C4orf50: variants seen among roughly 807,000 people sequenced by gnomAD.
C4orf50 encodes uncharacterized protein C4orf50.
A neutral mutation model predicts 77.2 loss-of-function variants in C4orf50; 80 were observed. The ratio of observed to expected loss-of-function variants is 1.04; its 90% CI spans 0.87 to 1.25. C4orf50 has a LOEUF of 1.25. C4orf50 is among the 50% of genes most tolerant of loss of function. The probability of loss-of-function intolerance (pLI) is 0.00; values close to 1 mark genes in which losing one functional copy is unlikely to be tolerated. For missense variants in C4orf50, 1,257 were observed against 1,152.9 expected (o/e 1.09, Z -1.31); for synonymous variants, 532 against 465.3 (o/e 1.14, Z -1.84).
At chr4:5,910,114 T>C (rs116390667) in intron 7 of C4orf50, among the ~76,000 whole-genome samples, 2,997 of 152,092 alleles carry the variant, frequency 0.02, 53 homozygotes, top group South Asian at 0.047. Flanking sequence ...ATTTTAGCAA[T>C]ATTAATGGAG....
In C4orf50 at chr4:5,952,087, A is replaced by G. The variant is rs1475130418; in HGVS notation, c.*2474+4814T>C. 1.1e-4 allele frequency among the ~76,000 whole-genome samples: 16 copies of G among 152,242 alleles called. No homozygotes were observed. The highest frequency in any genetic ancestry group is 8.5e-4 in the Admixed American group (13 of 15,284). The stretch of plus-strand genomic sequence containing the variant: ...ATCAACTAGTTCATGGAGTCATTCA[A>G]CAAGCATGTATTAAGCCCTGGGAGG... On this transcript the variant is annotated intron_variant, in intron 7 of 7. Transcript: ENST00000324058. The surrounding 1 kb of genome is among the most constrained non-coding windows in gnomAD (Gnocchi z 4.4).
At chr4:5,975,379 G>A (rs888887541) in intron 30 of C4orf50, among the ~76,000 whole-genome samples, 8 of 152,086 alleles carry the variant, frequency 5.3e-5, no homozygotes, top group African/African-American at 1.7e-4. Flanking sequence ...GGAGGCAAAC[G>A]TATACGCATC....
intron 23 of C4orf50, among the ~76,000 whole-genome samples, chr4:6,013,260 A>G (rs954994019): frequency 6.6e-6 from 1 of 152,168 alleles, no homozygotes; most frequent in African/African-American, 2.4e-5. Context: ...TGAGGATCAT[A>G]ACCAAGATCC....
intron 30 of C4orf50, 40 bp from the exon 9 acceptor site, chr4:5,973,881 G>C (rs1293081785): frequency 6.6e-7 from 1 of 1,518,014 alleles, no homozygotes; most frequent in African/African-American, 1.4e-5. Flanking sequence ...GCTCCCACCA[G>C]GGCTGCATGG....
At chr4:5,987,012 T>C (rs998604502) in intron 28 of C4orf50, among the ~76,000 whole-genome samples, 2 of 152,202 alleles carry the variant, frequency 1.3e-5, no homozygotes, top group African/African-American at 4.8e-5. Flanking sequence ...ATAGCTTTAA[T>C]TGCATAGATT....
At chr4:5,937,582 T>A (rs970744223) in intron 7 of C4orf50, among the ~76,000 whole-genome samples, 1 of 152,218 alleles carries the variant, frequency 6.6e-6, no homozygotes, top group Non-Finnish European at 1.5e-5. Context: ...GATATACATA[T>A]ATCAGTTATC....
chr4:6,011,194 G>T lies in C4orf50; in HGVS notation c.426+636C>A. Among the ~76,000 whole-genome samples, 1 of 152,176 alleles carries T rather than the reference G, an allele frequency of 6.6e-6. No individual in the cohort carries two copies. The highest frequency in any genetic ancestry group is 1.9e-4 in the East Asian group (1 of 5,188). On this transcript the variant is annotated intron_variant, in intron 24 of 33. Transcript: ENST00000531445. The surrounding 1 kb of genome is among the most constrained non-coding windows in gnomAD (Gnocchi z 4.2). ...CTGACCCTGAGGCTTCCCTACTTAA[G>T]TCCCCTAAAGCTTGTTCCCCATTGT...
intron 7 of C4orf50, among the ~76,000 whole-genome samples, chr4:5,907,246 C>A (rs1716590527): frequency 6.6e-6 from 1 of 152,204 alleles, no homozygotes; most frequent in Non-Finnish European, 1.5e-5. Flanking sequence ...ATACTGCATT[C>A]ACCAATAAGT....
At position 5,919,845 on chromosome 4, in the gene C4orf50, C is replaced by T. The variant is rs898952983; in HGVS notation, c.*2475-21657G>A. Among the ~76,000 whole-genome samples, 1 of 152,182 alleles carries T rather than the reference C, an allele frequency of 6.6e-6. No individual in the cohort carries two copies. Among genetic ancestry groups the T allele is most frequent in the Non-Finnish European group, 1.5e-5 (1 of 68,032 alleles). On this transcript the variant is annotated intron_variant, in intron 7 of 7. Transcript: ENST00000324058. This position sits in a 1 kb window ranked among gnomAD's most constrained non-coding sequence, Gnocchi z 6.5. The stretch of plus-strand genomic sequence containing the variant: ...ATCAACTCTGAAATAGGGGTTTCTT[C>T]GGGCACAGGTGGCCCTCCCTATCCA...
At chr4:5,942,581 A>T (rs1233147550) in intron 7 of C4orf50, among the ~76,000 whole-genome samples, 1 of 152,220 alleles carries the variant, frequency 6.6e-6, no homozygotes, top group African/African-American at 2.4e-5. Context: ...TTTAGTGAAA[A>T]CTTGCTCTAT....
In C4orf50 at chr4:6,008,565, A is replaced by T. The variant is rs931546113; in HGVS notation, c.427-33T>A. ...TTGGCGGTGGATGAGGGCGTCAGCA[A>T]GCCCAAAGGACACACCATGGTTCAC... On this transcript the variant is annotated intron_variant, in intron 24 of 33. Coordinates refer to ENST00000531445, the Ensembl canonical transcript of C4orf50. This position sits in a 1 kb window ranked among gnomAD's most constrained non-coding sequence, Gnocchi z 6.0. 5 of 397,572 alleles carry T rather than the reference A, an allele frequency of 1.3e-5. No individual in the cohort carries two copies. The East Asian group carries it at 1.8e-4, about 14-fold the overall frequency. The allele number at this position is 397,572 out of a possible 1,614,324, so 24.6% of individuals were successfully genotyped here.
At chr4:6,005,478 T>G (rs1722211965) in intron 25 of C4orf50, among the ~76,000 whole-genome samples, 1 of 152,190 alleles carries the variant, frequency 6.6e-6, no homozygotes, top group Non-Finnish European at 1.5e-5. Context: ...ATACAGCCAC[T>G]GCTGCTGCCC....
At chr4:5,980,452 G>C in intron 28 of C4orf50, 114 bp from the exon 7 acceptor site, 1 of 912,030 alleles carries the variant, frequency 1.1e-6, no homozygotes, top group Non-Finnish European at 1.7e-6. Context: ...TGTTGTTGTT[G>C]TTTTCCTGCT....
chr4:5,950,554 G>A (rs186151740), intron 7 of C4orf50, among the ~76,000 whole-genome samples: 18 of 152,160 alleles, frequency 1.2e-4, no homozygotes, highest in Middle Eastern at 3.4e-3. Context: ...TCTTTTACTC[G>A]CTGAGTTCTC....
intron 7 of C4orf50, among the ~76,000 whole-genome samples, chr4:5,917,753 G>A (rs909289778): frequency 5.3e-5 from 8 of 151,968 alleles, no homozygotes; most frequent in African/African-American, 1.9e-4. Flanking sequence ...CTTGAGCCTT[G>A]AAAGCACACA....
chr4:5,901,498 A>G lies in C4orf50; in HGVS notation c.*2475-3310T>C, dbSNP rs1401195947. On this transcript the variant is annotated intron_variant, in intron 7 of 7. Coordinates refer to the C4orf50 transcript ENST00000324058. The surrounding 1 kb of genome is among the most constrained non-coding windows in gnomAD (Gnocchi z 4.4). ...TTAAACCCTAACCTGTTTCTCCTAC[A>G]TCGGGTGGTCTCTGTCATCTCTCTA... 1.3e-5 allele frequency: 2 copies of G among 152,212 alleles called. No homozygotes were observed. The highest frequency in any genetic ancestry group is 2.9e-5 in the Non-Finnish European group (2 of 68,036). The allele number at this position is 152,212 out of a possible 1,614,324, so 9.4% of individuals were successfully genotyped here.
Position 5,974,541 on chromosome 4 carries a change from C to A in C4orf50, c.3922-700G>T, listed in dbSNP as rs540241513. ...ATGTTTCTGATTTGACGGCTGACGACACTGAGGCCCCAGAGGGAGGATGAC... is the reference window on the plus strand; with the variant it reads ...ATGTTTCTGATTTGACGGCTGACGAAACTGAGGCCCCAGAGGGAGGATGAC... On this transcript the variant is annotated intron_variant, in intron 30 of 33. Transcript: ENST00000531445. Among the ~76,000 whole-genome samples, 6 of 152,286 alleles carry A rather than the reference C, an allele frequency of 3.9e-5. No homozygotes were observed. In the South Asian group the frequency reaches 1.2e-3, roughly 32 times the overall value.
chr4:6,004,345 A>G (rs1335010499), intron 25 of C4orf50, among the ~76,000 whole-genome samples: 2 of 109,280 alleles, frequency 1.8e-5, no homozygotes, highest in African/African-American at 3.8e-5. Flanking sequence ...GGTGATGGTG[A>G]TGATGACGGT....
At chr4:5,962,864 C>T (rs1355295640) in intron 33 of C4orf50, among the ~76,000 whole-genome samples, 1 of 152,196 alleles carries the variant, frequency 6.6e-6, no homozygotes, top group Non-Finnish European at 1.5e-5. Context: ...CTCTTCTAGT[C>T]TCCGCTCTAC....
Sources: allele counts gnomAD v4.1 joint callset (sites outside exome capture counted in the v4.1 genomes callset), GRCh38; gene constraint gnomAD v4.1.1; non-coding constraint Gnocchi (gnomAD v3.1); transcripts MANE v1.5; gene names NCBI Gene and HGNC (gene_info 2026-07-23, HGNC 2026-07-21).